R3HDM1: variants seen among roughly 807,000 people sequenced by gnomAD.
R3HDM1 encodes R3H domain-containing protein 1.
A neutral mutation model predicts 141.1 loss-of-function variants in R3HDM1; 46 were observed. The observed-to-expected ratio is 0.33, with a 90% CI of 0.26 to 0.42. R3HDM1 has a LOEUF of 0.42. Ranked by LOEUF, R3HDM1 falls within the 10% of genes least tolerant of loss-of-function variation. R3HDM1 has a pLI of 1.00. For synonymous variants in R3HDM1, 435 were observed against 472.9 expected, an observed-to-expected ratio of 0.92 and a Z score of 1.04; for missense variants, 1,184 against 1,368.3, an observed-to-expected ratio of 0.87 and a Z score of 2.12.
At chr2:135,587,021 G>T in intron 1 of R3HDM1, 5 of 976,812 alleles carry the variant, frequency 5.1e-6, no homozygotes, top group Non-Finnish European at 4.9e-6. Flanking sequence ...GGGGGAAGAG[G>T]TAGAATAATT....
intron 14 of R3HDM1, among the ~76,000 whole-genome samples, chr2:135,640,044 AG>A (rs1294500188): frequency 6.6e-6 from 1 of 151,614 alleles, no homozygotes; most frequent in East Asian, 1.9e-4. Flanking sequence ...GGCTGCAGTG[AG>A]CCGAGATCAT....
At chr2:135,690,387 T>A (rs1056831342) in intron 21 of R3HDM1, among the ~76,000 whole-genome samples, 3 of 152,164 alleles carry the variant, frequency 2.0e-5, no homozygotes. Flanking sequence ...TAAATAAAAT[T>A]TTGATTTTGC....
chr2:135,540,869 C>T (rs1188232737), intron 1 of R3HDM1, among the ~76,000 whole-genome samples: 1 of 152,200 alleles, frequency 6.6e-6, no homozygotes, highest in African/African-American at 2.4e-5. Context: ...AGAAATTAAT[C>T]CTTGATACAT....
At chr2:135,722,164 G>A (rs1254022983) in intron 25 of R3HDM1, among the ~76,000 whole-genome samples, 158 bp downstream of exon 25, 1 of 152,238 alleles carries the variant, frequency 6.6e-6, no homozygotes, top group African/African-American at 2.4e-5. Flanking sequence ...TCCATCAGGA[G>A]CAGAGCAAAG....
At chr2:135,622,615 A>G (rs754110968) in intron 6 of R3HDM1, 39 bp from the exon 7 acceptor site, 2 of 1,545,064 alleles carry the variant, frequency 1.3e-6, no homozygotes, top group East Asian at 4.6e-5. Flanking sequence ...CTTGTTTTCA[A>G]ACAACTTTAT....
At chr2:135,556,570 G>A (rs1464986870) in intron 1 of R3HDM1, among the ~76,000 whole-genome samples, 1 of 150,924 alleles carries the variant, frequency 6.6e-6, no homozygotes, top group Non-Finnish European at 1.5e-5. Flanking sequence ...CCAGGCTGGA[G>A]TGCAGTGGCG....
At chr2:135,715,084 T>C (rs1403872821) in intron 23 of R3HDM1, among the ~76,000 whole-genome samples, 1 of 152,228 alleles carries the variant, frequency 6.6e-6, no homozygotes, top group African/African-American at 2.4e-5. Context: ...GTGCGATGGC[T>C]CACGCCTGTA....
intron 24 of R3HDM1, among the ~76,000 whole-genome samples, chr2:135,716,817 T>G (rs2076196411): frequency 6.6e-6 from 1 of 152,116 alleles, no homozygotes; most frequent in South Asian, 2.1e-4. Context: ...CTGGGCGTGG[T>G]GGCAGGCACC....
intron 21 of R3HDM1, among the ~76,000 whole-genome samples, chr2:135,686,710 G>A (rs1039516158): frequency 6.6e-6 from 1 of 152,142 alleles, no homozygotes; most frequent in African/African-American, 2.4e-5. Flanking sequence ...CTGTATTCCA[G>A]CTTAGGCGAC....
intron 18 of R3HDM1, among the ~76,000 whole-genome samples, chr2:135,655,816 G>A (rs2065806149): frequency 1.3e-5 from 2 of 152,034 alleles, no homozygotes; most frequent in African/African-American, 4.8e-5. Flanking sequence ...TTTCAAAATT[G>A]TTTTTAGTAT....
chr2:135,631,633 T>A (rs1574519168), intron 7 of R3HDM1, 85 bp from the exon 8 acceptor site: 2 of 1,123,472 alleles, frequency 1.8e-6, no homozygotes, highest in East Asian at 5.4e-5. Flanking sequence ...GGGTGAAATT[T>A]AGCTGTATAA....
intron 3 of R3HDM1, among the ~76,000 whole-genome samples, chr2:135,609,830 C>T (rs1021876750): frequency 1.3e-5 from 2 of 152,070 alleles, no homozygotes; most frequent in Non-Finnish European, 2.9e-5. Context: ...ATCGCTTGAG[C>T]TCGAATTCAA....
chr2:135,689,371 C>G, intron 21 of R3HDM1, among the ~76,000 whole-genome samples: 1 of 152,158 alleles, frequency 6.6e-6, no homozygotes, highest in East Asian at 1.9e-4. Flanking sequence ...ATTTCTAGAT[C>G]TTAGATGGAA....
rs183662722 is a variant in R3HDM1, at chr2:135,705,845, A to G, written c.2460-3588A>G. On this transcript the variant is annotated intron_variant, in intron 21 of 26. Transcript: ENST00000683871. The stretch of plus-strand genomic sequence containing the variant: ...TGAGCACTGTAAAAAAACTCAGAAG[A>G]AGGACCGGGCACAGTGGCTCACGCC... Among the ~76,000 whole-genome samples, 3 of 152,262 alleles carry G rather than the reference A, an allele frequency of 2.0e-5. No homozygotes were observed. The East Asian group carries it at 5.8e-4, about 29-fold the overall frequency.
chr2:135,661,521 G>C, intron 19 of R3HDM1, 128 bp downstream of exon 19: 1 of 1,194,764 alleles, frequency 8.4e-7, no homozygotes, highest in Non-Finnish European at 1.2e-6. Flanking sequence ...ATATGAGTTT[G>C]CAAACCAATG....
intron 21 of R3HDM1, among the ~76,000 whole-genome samples, chr2:135,705,866 A>T (rs555806378): frequency 6.6e-6 from 1 of 152,200 alleles, no homozygotes; most frequent in Non-Finnish European, 1.5e-5. Flanking sequence ...ACAGTGGCTC[A>T]CGCCTGCAAT....
chr2:135,562,889 A>G (rs1302132135), intron 1 of R3HDM1, among the ~76,000 whole-genome samples: 3 of 152,126 alleles, frequency 2.0e-5, no homozygotes, highest in Non-Finnish European at 2.9e-5. Context: ...AAATAAATGG[A>G]CCATTTTATC....
chr2:135,692,550 C>T (rs2072586547), intron 21 of R3HDM1, among the ~76,000 whole-genome samples: 1 of 152,088 alleles, frequency 6.6e-6, no homozygotes, highest in Admixed American at 6.5e-5. Context: ...CAAGATCACG[C>T]CATTGCACTC....
intron 21 of R3HDM1, among the ~76,000 whole-genome samples, chr2:135,695,821 G>A (rs557131310): frequency 6.6e-6 from 1 of 152,220 alleles, no homozygotes; most frequent in Non-Finnish European, 1.5e-5. Flanking sequence ...ACCTCGCACT[G>A]TGAGAACTGT....
Sources: gnomAD v4.1 joint callset for allele counts (sites outside exome capture counted in the v4.1 genomes callset) on GRCh38, gnomAD v4.1.1 for gene constraint, MANE v1.5 for transcripts, NCBI Gene and HGNC (gene_info 2026-07-23, HGNC 2026-07-21) for gene names.